The following RC3H1 variants were observed in gnomAD, a reference collection of about 807,000 sequenced individuals.
The protein encoded by RC3H1 is ring finger and CCCH-type domains 1, also known as roquin-1.
RC3H1 carries 50 observed loss-of-function variants against 138.2 expected under a neutral mutation model. The ratio of observed to expected loss-of-function variants is 0.36; its 90% CI spans 0.29 to 0.46. The LOEUF is 0.46. RC3H1 is among the 20% of genes least tolerant of loss of function. The pLI is 1.00. For synonymous variants in RC3H1, 462 were observed against 489.1 expected, an observed-to-expected ratio of 0.94 and a Z score of 0.73; for missense variants, 1,031 against 1,388.1, an observed-to-expected ratio of 0.74 and a Z score of 4.09.
intron 2 of RC3H1, among the ~76,000 whole-genome samples, chr1:173,992,199 G>GTGCA (rs1661318332): frequency 6.6e-6 from 1 of 152,080 alleles, no homozygotes; most frequent in South Asian, 2.1e-4. Context: ...CCAGGCTGGA[G>GTGCA]TGCAGCACGA....
At chr1:173,943,221 A>C (rs1335297674) in intron 18 of RC3H1, among the ~76,000 whole-genome samples, 1 of 152,222 alleles carries the variant, frequency 6.6e-6, no homozygotes, top group Non-Finnish European at 1.5e-5. Context: ...GTTTTCCCTA[A>C]AAGTTAACGA....
chr1:173,970,614 G>C lies in RC3H1; in HGVS notation c.1225C>G (p.Pro409Ala), dbSNP rs2102967058. 5.6e-6 allele frequency: 9 copies of C among 1,610,334 alleles called. No individual in the cohort carries two copies. The highest frequency in any genetic ancestry group is 5.3e-5 in the African/African-American group (4 of 74,904). ...SKKGADQQQP[P>A]QHSKYKTYMC... The stretch of plus-strand genomic sequence containing the variant: ...TATGTTTTGTATTTGCTATGCTGTG[G>C]AGGCTAAAACCAAAATCAAAACATT... Residue 409 changes from proline (P) to alanine (A), a missense_variant, in exon 9 of 20, where the codon CCA becomes GCA. Physicochemically the swap from Pro to Ala is conservative, Grantham distance 27. Transcript: ENST00000367696.
chr1:173,936,749 ATATATATATATATTTTT>A lies in RC3H1; in HGVS notation c.*1955_*1971del, dbSNP rs1240012294. Reference sequence around the variant, plus strand: ...AGCATACATATATATATATATATATATATATATATATATTTTTTTTTTTTTTTTTAAAAAAAGAAGAC... The same window carrying A: ...AGCATACATATATATATATATATATATTTTTTTTTTTTAAAAAAAGAAGAC... On this transcript the variant is annotated 3_prime_UTR_variant, in exon 20 of 20. Coordinates refer to ENST00000367696, the MANE Select transcript of RC3H1 (RefSeq NM_172071.4). 7.5e-3 allele frequency: 418 copies of A among 55,756 alleles called. 1 individual carries two copies. The highest frequency in any genetic ancestry group is 0.021 in the African/African-American group (174 of 8,206). The allele number at this position is 55,756 out of a possible 1,614,324, so 3.5% of individuals were successfully genotyped here.
intron 4 of RC3H1, 146 bp downstream of exon 4, chr1:173,983,271 GA>G (rs1312108536): frequency 2.1e-6 from 2 of 970,372 alleles, no homozygotes; most frequent in African/African-American, 3.3e-5. Flanking sequence ...AAGTTACATG[GA>G]ATTGCCCAAG....
chr1:173,969,456 A>T (rs1478439502), intron 9 of RC3H1: 1 of 151,746 alleles, frequency 6.6e-6, no homozygotes, highest in Non-Finnish European at 1.5e-5. Context: ...ATTGTAATGT[A>T]TTACTGAATT....
At chr1:173,941,466 T>C (rs1571162704) in intron 18 of RC3H1, 86 bp from the exon 19 acceptor site, 3 of 782,836 alleles carry the variant, frequency 3.8e-6, no homozygotes, top group Non-Finnish European at 6.5e-6. Context: ...TACAAAGTGA[T>C]GATCCAGAAA....
chr1:174,017,783 C>CCAAAAAAAAAAAAAAAAAAA lies in RC3H1; in HGVS notation c.-151+4312_-151+4313insTTTTTTTTTTTTTTTTTTTG, dbSNP rs1165317766. 1.1e-4 allele frequency among the ~76,000 whole-genome samples: 8 copies of CCAAAAAAAAAAAAAAAAAAA among 72,030 alleles called. 1 individual carries two copies. Among genetic ancestry groups the CCAAAAAAAAAAAAAAAAAAA allele is most frequent in the African/African-American group, 4.0e-4 (7 of 17,526 alleles). 47.3% of individuals were successfully genotyped at this position (72,030 alleles called of 152,430 possible). On this transcript the variant is annotated intron_variant, in intron 1 of 19. Coordinates refer to ENST00000367696, the MANE Select transcript of RC3H1 (RefSeq NM_172071.4). ...ACCCCTTTAGAACTCTTTTCTTGCT[C>CCAAAAAAAAAAAAAAAAAAA]AAAAAAAAAAAAAAAAAAAAAAAAA...
intron 2 of RC3H1, 84 bp downstream of exon 2, chr1:173,992,669 AAC>A (rs34709821): frequency 0.07 from 39,886 of 573,886 alleles, 6 homozygotes; most frequent in South Asian, 0.088. Context: ...AAACACGCAC[AAC>A]ACACACACAC....
intron 16 of RC3H1, 29 bp downstream of exon 16, chr1:173,946,705 GGTTTCTACATGT>G (rs1443776981): frequency 6.3e-7 from 1 of 1,596,196 alleles, no homozygotes; most frequent in Admixed American, 1.7e-5. Flanking sequence ...TAATTTTAAA[GGTTTCTACATGT>G]TTGTTCAAGT....
intron 1 of RC3H1, among the ~76,000 whole-genome samples, chr1:174,007,894 T>C (rs1225066771): frequency 1.3e-5 from 2 of 152,202 alleles, no homozygotes; most frequent in Non-Finnish European, 1.5e-5. Flanking sequence ...TGATGACTTG[T>C]AGATTTTGAA....
chr1:173,957,561 C>G (rs1253016492), intron 13 of RC3H1, among the ~76,000 whole-genome samples: 1 of 151,950 alleles, frequency 6.6e-6, no homozygotes, highest in Non-Finnish European at 1.5e-5. Context: ...TTCCCCCCCT[C>G]TAATTTTTCT....
In RC3H1 at chr1:173,961,760, G is replaced by A. The variant is rs1274916797; in HGVS notation, c.2167C>T (p.Pro723Ser). 4 of 1,612,612 alleles carry A rather than the reference G, an allele frequency of 2.5e-6. No homozygotes were observed. Among genetic ancestry groups the A allele is most frequent in the East Asian group, 2.2e-5 (1 of 44,896 alleles). ...QQIESYYPVA[P>S]HPTQIRPSYL... ...GAAGGTCTGATCTGAGTTGGATGAG[G>A]AGCCACTGGATAGTAACTCTCGATC... The change falls in exon 12 of 20, where the codon CCT (proline) becomes TCT (serine). Residue 723 changes from proline to serine, a missense_variant. Pro to Ser is a moderately conservative substitution (Grantham distance 74). Around this residue, in one of 7 missense-constraint regions of RC3H1, gnomAD observed 716 missense variants for 837.9 expected, o/e 0.85. Transcript: ENST00000367696.
chr1:174,008,480 G>A (rs1156580762), intron 1 of RC3H1, among the ~76,000 whole-genome samples: 1 of 152,106 alleles, frequency 6.6e-6, no homozygotes, highest in Non-Finnish European at 1.5e-5. Flanking sequence ...GGAGGAAGAG[G>A]AGGAGCTGAT....
intron 13 of RC3H1, among the ~76,000 whole-genome samples, chr1:173,953,829 G>A (rs1260960682): frequency 2.0e-5 from 3 of 151,900 alleles, no homozygotes; most frequent in Non-Finnish European, 2.9e-5. Flanking sequence ...ACCTGAGGTC[G>A]GGAGTTCAAG....
intron 7 of RC3H1, among the ~76,000 whole-genome samples, chr1:173,976,793 TA>T (rs1259805220): frequency 6.6e-6 from 1 of 152,118 alleles, no homozygotes; most frequent in African/African-American, 2.4e-5. Context: ...AGCAAATCTA[TA>T]AAAGTAGGCT....
chr1:173,981,415 T>A (rs1161029213), intron 5 of RC3H1, among the ~76,000 whole-genome samples: 1 of 152,188 alleles, frequency 6.6e-6, no homozygotes, highest in African/African-American at 2.4e-5. Context: ...TCAAAAAGTT[T>A]TGGATTTTGG....
intron 4 of RC3H1, 112 bp downstream of exon 4, chr1:173,983,306 A>T: frequency 7.9e-7 from 1 of 1,272,698 alleles, no homozygotes; most frequent in African/African-American, 1.5e-5. Flanking sequence ...ACAAGATATT[A>T]GTTGGTAACA....
rs1661363047 is a variant in RC3H1 at position 173,993,071 on chromosome 1, A to G, written c.-86T>C. ...ACTGGAATCAAAATCTTTGAAAAAA[A>G]GTTTATCTTTTTTTTTTTTAAATAT... On this transcript the variant is annotated 5_prime_UTR_variant, in exon 2 of 20. Transcript: ENST00000367696. 4 of 1,010,848 alleles carry G rather than the reference A, an allele frequency of 4.0e-6. No individual in the cohort carries two copies. The East Asian group carries it at 1.0e-4, about 25-fold the overall frequency. The allele number at this position is 1,010,848 out of a possible 1,614,324, so 62.6% of individuals were successfully genotyped here. A position where few individuals can be genotyped will look rare whatever the true frequency, so the allele number is the denominator to read the frequency against.
chr1:174,020,094 A>G (rs1025708446), intron 1 of RC3H1, among the ~76,000 whole-genome samples: 1 of 150,672 alleles, frequency 6.6e-6, no homozygotes, highest in African/African-American at 2.4e-5. Context: ...TATAACACAG[A>G]CTTTACTTGG....
Sources: gnomAD v4.1 joint callset for allele counts (sites outside exome capture counted in the v4.1 genomes callset) on GRCh38, gnomAD v4.1.1 for gene constraint, gnomAD v4.1.1 regional missense constraint, MANE v1.5 for transcripts, NCBI Gene and HGNC (gene_info 2026-07-23, HGNC 2026-07-21) for gene names.